Variants in CHRM3 observed in about 807,000 individuals in gnomAD.
CHRM3 encodes the protein muscarinic acetylcholine receptor M3.
Under a neutral mutation model 41.8 loss-of-function variants are expected in CHRM3, and 11 were observed. The observed-to-expected ratio is 0.26, with a 90% CI of 0.17 to 0.44. CHRM3 has a LOEUF of 0.44. CHRM3 is among the 20% of genes least tolerant of loss of function. The probability of loss-of-function intolerance (pLI) is 1.00; values close to 1 mark genes in which losing one functional copy is unlikely to be tolerated. For synonymous variants in CHRM3, 297 were observed against 301.4 expected (o/e 0.99, Z 0.15); for missense variants, 571 against 745.4 (o/e 0.77, Z 2.72).
chr1:239,606,002 C>T (rs1666199401), intron 3 of CHRM3: 1 of 152,130 alleles, frequency 6.6e-6, no homozygotes, highest in South Asian at 2.1e-4. Flanking sequence ...CTTACTCTCT[C>T]AGTGTACAGT....
intron 1 of CHRM3, among the ~76,000 whole-genome samples, chr1:239,424,022 T>C (rs1168494997): frequency 7.6e-6 from 1 of 131,420 alleles, no homozygotes; most frequent in Admixed American, 9.0e-5. Flanking sequence ...GCCACTGCAC[T>C]CCAGCCTGGG....
chr1:239,684,717 G>A (rs1658913603), intron 5 of CHRM3, among the ~76,000 whole-genome samples: 1 of 75,772 alleles, frequency 1.3e-5, no homozygotes. Flanking sequence ...GAGGAAAGAA[G>A]AAAGGAAAGG....
Position 239,908,416 on chromosome 1 carries a change from C to T in CHRM3, c.965C>T (p.Pro322Leu), listed in dbSNP as rs746150222. ...TGGTTCACAACCAAGAGCTGGAAAC[C>T]CAGCTCCGAGCAGATGGACCAAGAC... ...HFWFTTKSWK[P>L]SSEQMDQDHS... is the part of the protein sequence containing the mutation. The change falls in exon 7 of 7, where the codon CCC becomes CTC. Residue 322 changes from proline to leucine, a missense_variant. Pro to Leu is a moderately conservative substitution (Grantham distance 98, BLOSUM62 -3). Around this residue, in one of 5 missense-constraint regions of CHRM3, gnomAD observed 239 missense variants for 239.6 expected, o/e 1.00. Transcript: ENST00000676153. The surrounding 1 kb of genome is among the most constrained non-coding windows in gnomAD (Gnocchi z 7.2). The T allele has an allele frequency of 6.2e-7, 1 of 1,614,024 alleles. No individual in the cohort carries two copies. The highest frequency in any genetic ancestry group is 1.1e-5 in the South Asian group (1 of 91,082).
At chr1:239,772,391 T>C (rs1367391235) in intron 5 of CHRM3, among the ~76,000 whole-genome samples, 1 of 152,194 alleles carries the variant, frequency 6.6e-6, no homozygotes, top group Non-Finnish European at 1.5e-5. Flanking sequence ...CCTCAGGTGA[T>C]CCGGCCACCT....
At chr1:239,704,257 T>A (rs192831858) in intron 5 of CHRM3, 1 of 152,208 alleles carries the variant, frequency 6.6e-6, no homozygotes, top group East Asian at 1.9e-4. Context: ...TGGGCCCGCA[T>A]CATACACCCA....
At position 239,880,014 on chromosome 1, in the gene CHRM3, T is replaced by C. The variant is rs544173774; in HGVS notation, c.-19-27419T>C. On this transcript the variant is annotated intron_variant, in intron 6 of 6. Coordinates refer to ENST00000676153, the MANE Select transcript of CHRM3 (RefSeq NM_001375978.1). The stretch of plus-strand genomic sequence containing the variant: ...AGTATGCCAATCACTGTGATGAGGT[T>C]TGCAGCAAAGAAAGGGTTTATTCAC... Among the ~76,000 whole-genome samples the C allele has an allele frequency of 1.6e-4, 24 of 152,320 alleles. 1 individual carries two copies. Among genetic ancestry groups the C allele is most frequent in the Non-Finnish European group, 2.6e-4 (18 of 68,028 alleles).
At chr1:239,606,866 G>A (rs990224883) in intron 3 of CHRM3, among the ~76,000 whole-genome samples, 5 of 151,998 alleles carry the variant, frequency 3.3e-5, no homozygotes, top group South Asian at 2.1e-4. Flanking sequence ...TTCTCCTAAG[G>A]CCATCCAAAA....
At chr1:239,631,886 G>C (rs1253362252) in intron 3 of CHRM3, among the ~76,000 whole-genome samples, 1 of 152,186 alleles carries the variant, frequency 6.6e-6, no homozygotes, top group Non-Finnish European at 1.5e-5. Context: ...GCAAAATGAA[G>C]AGATGAGCAA....
chr1:239,464,127 A>C (rs1394172598), intron 1 of CHRM3, among the ~76,000 whole-genome samples: 1 of 151,990 alleles, frequency 6.6e-6, no homozygotes, highest in African/African-American at 2.4e-5. Context: ...AAATACCAAA[A>C]AAATTAGCCA....
intron 3 of CHRM3, among the ~76,000 whole-genome samples, chr1:239,614,426 A>G (rs767134555): frequency 3.3e-5 from 5 of 152,322 alleles, no homozygotes; most frequent in Non-Finnish European, 4.4e-5. Flanking sequence ...CCAAACAAAT[A>G]AAAACATCAG....
chr1:239,762,340 G>C (rs1464181804), intron 5 of CHRM3, among the ~76,000 whole-genome samples: 1 of 152,146 alleles, frequency 6.6e-6, no homozygotes, highest in Non-Finnish European at 1.5e-5. Context: ...TCTATGTTAA[G>C]AGGTTTACAA....
chr1:239,685,033 G>A (rs542627493), intron 5 of CHRM3, among the ~76,000 whole-genome samples: 3 of 152,148 alleles, frequency 2.0e-5, no homozygotes, highest in Non-Finnish European at 2.9e-5. Context: ...CTTGCTCTAG[G>A]CCCACTCACC....
At chr1:239,505,070 C>T (rs1213438395) in intron 2 of CHRM3, among the ~76,000 whole-genome samples, 3 of 152,084 alleles carry the variant, frequency 2.0e-5, no homozygotes, top group Non-Finnish European at 1.5e-5. Context: ...GAAAAAATAA[C>T]AGTTTAATAA....
chr1:239,587,515 C>T (rs574802806), intron 3 of CHRM3, among the ~76,000 whole-genome samples: 2 of 152,176 alleles, frequency 1.3e-5, no homozygotes, highest in East Asian at 1.9e-4. Context: ...GAGGCAAGAA[C>T]ATCAGGAAGC....
At position 239,913,906 on chromosome 1, in the gene CHRM3, G is replaced by T. The variant is rs1040762375; in HGVS notation, c.*4682G>T. 2 of 166,988 alleles carry T rather than the reference G, an allele frequency of 1.2e-5. No homozygotes were observed. Among genetic ancestry groups the T allele is most frequent in the Non-Finnish European group, 2.9e-5 (2 of 68,106 alleles). 10.3% of individuals were successfully genotyped at this position (166,988 alleles called of 1,614,324 possible). A position where few individuals can be genotyped will look rare whatever the true frequency, so the allele number is the denominator to read the frequency against. On this transcript the variant is annotated 3_prime_UTR_variant, in exon 7 of 7. Coordinates refer to ENST00000676153, the MANE Select transcript of CHRM3 (RefSeq NM_001375978.1). ...TTGCTAGAATATCAGGCCTATGTTT[G>T]TTCTGGTAGAACCACAGAGACTCAC...
At chr1:239,782,302 T>C (rs1333642467) in intron 5 of CHRM3, among the ~76,000 whole-genome samples, 1 of 152,102 alleles carries the variant, frequency 6.6e-6, no homozygotes, top group Non-Finnish European at 1.5e-5. Flanking sequence ...TATAGGCCTA[T>C]TTTGATCAAC....
intron 5 of CHRM3, among the ~76,000 whole-genome samples, chr1:239,780,698 C>G (rs1158616881): frequency 6.6e-6 from 1 of 152,100 alleles, no homozygotes; most frequent in Non-Finnish European, 1.5e-5. Flanking sequence ...CCAAGGCCAC[C>G]TAGATTTTCT....
intron 5 of CHRM3, among the ~76,000 whole-genome samples, chr1:239,806,911 G>A (rs768486095): frequency 1.8e-4 from 28 of 152,190 alleles, no homozygotes; most frequent in South Asian, 1.7e-3. Context: ...CCAAAGAAGC[G>A]TACATTCTGT....
At position 239,747,754 on chromosome 1, in the gene CHRM3, G is replaced by A. The variant is rs1289900959; in HGVS notation, c.-147+69466G>A. Among the ~76,000 whole-genome samples, 5 of 152,198 alleles carry A rather than the reference G, an allele frequency of 3.3e-5. No individual in the cohort carries two copies. In the South Asian group the frequency reaches 6.2e-4, roughly 19 times the overall value. On this transcript the variant is annotated intron_variant, in intron 5 of 6. Transcript: ENST00000676153. ...TATTAGAAACATAGATGCTTAGGCC[G>A]GGTGCTGTGGCTCATGCCTGCAATA... is the stretch of plus-strand genomic sequence containing the variant.
Sources: gnomAD v4.1 joint callset for allele counts (sites outside exome capture counted in the v4.1 genomes callset) on GRCh38, gnomAD v4.1.1 for gene constraint, gnomAD v4.1.1 regional missense constraint, Gnocchi (gnomAD v3.1) non-coding constraint, MANE v1.5 for transcripts, NCBI Gene and HGNC (gene_info 2026-07-23, HGNC 2026-07-21) for gene names.